LRRC4C: variants seen among roughly 807,000 people sequenced by gnomAD.
The protein encoded by LRRC4C is leucine-rich repeat-containing protein 4C.
In LRRC4C, 5 loss-of-function variants were observed where a neutral mutation model predicts 33.6. The ratio of observed to expected loss-of-function variants is 0.15; its 90% CI spans 0.08 to 0.31. The LOEUF (loss-of-function observed/expected upper bound fraction) is 0.31. Ranked by LOEUF, LRRC4C falls within the 10% of genes least tolerant of loss-of-function variation. The pLI is 1.00. For missense variants in LRRC4C, 560 were observed against 796.7 expected (o/e 0.70, Z 3.58); for synonymous variants, 329 against 302.0 (o/e 1.09, Z -0.93).
intron 4 of LRRC4C, among the ~76,000 whole-genome samples, chr11:40,274,540 T>C (rs537764025): frequency 2.0e-5 from 3 of 147,302 alleles, no homozygotes; most frequent in South Asian, 2.1e-4. Context: ...ATAAGCATAA[T>C]GAAAAGGGAG....
intron 3 of LRRC4C, among the ~76,000 whole-genome samples, chr11:40,432,969 TAACA>T (rs1346586557): frequency 6.6e-6 from 1 of 152,136 alleles, no homozygotes; most frequent in Non-Finnish European, 1.5e-5. Context: ...ACGTTTTAAG[TAACA>T]AATAATAAAT....
intron 2 of LRRC4C, among the ~76,000 whole-genome samples, chr11:40,774,993 AC>A (rs1949922909): frequency 1.3e-5 from 2 of 152,010 alleles, no homozygotes; most frequent in South Asian, 4.1e-4. Context: ...CAATATAAAA[AC>A]CTATATTACC....
intron 1 of LRRC4C, among the ~76,000 whole-genome samples, chr11:41,344,023 A>C (rs961791876): frequency 8.5e-5 from 13 of 152,112 alleles, no homozygotes; most frequent in Non-Finnish European, 1.8e-4. Context: ...CCATTATCTG[A>C]GCAAACAAAA....
chr11:40,820,032 A>C (rs112863978), intron 2 of LRRC4C, among the ~76,000 whole-genome samples: 137 of 152,224 alleles, frequency 9.0e-4, no homozygotes, highest in Middle Eastern at 3.4e-3. Context: ...CTTCATTTTA[A>C]AAAAGCAAAA....
At chr11:41,398,800 C>T (rs1953918039) in intron 1 of LRRC4C, among the ~76,000 whole-genome samples, 1 of 151,848 alleles carries the variant, frequency 6.6e-6, no homozygotes. Flanking sequence ...CCTAACTTAT[C>T]AAGCTGTAAA....
rs1860490561 is a variant in LRRC4C at position 40,176,416 on chromosome 11, T to TA, written c.-95-35564dup. ...ACATGGTGGCAATTAAGTAAACATT[T>TA]AAAAAATAACGAAATGAATGAGATT... On this transcript the variant is annotated intron_variant, in intron 5 of 6. Transcript: ENST00000528697. Among the ~76,000 whole-genome samples, 3 of 152,228 alleles carry TA rather than the reference T, an allele frequency of 2.0e-5. No homozygotes were observed. In the South Asian group the frequency reaches 6.2e-4, roughly 32 times the overall value.
At chr11:40,529,456 T>C (rs755416896) in intron 3 of LRRC4C, among the ~76,000 whole-genome samples, 5 of 151,932 alleles carry the variant, frequency 3.3e-5, no homozygotes, top group Non-Finnish European at 5.9e-5. Context: ...ATAATAGCGG[T>C]CAGACAAGTG....
At chr11:40,540,473 C>T (rs1026683532) in intron 3 of LRRC4C, among the ~76,000 whole-genome samples, 1 of 152,082 alleles carries the variant, frequency 6.6e-6, no homozygotes, top group Non-Finnish European at 1.5e-5. Context: ...TCTTCTTTGT[C>T]AGGAGTATTG....
At chr11:40,128,973 C>A (rs1243950993) in intron 6 of LRRC4C, among the ~76,000 whole-genome samples, 1 of 152,148 alleles carries the variant, frequency 6.6e-6, no homozygotes, top group Non-Finnish European at 1.5e-5. Flanking sequence ...CGCTCAGGTG[C>A]ATATTTTCTT....
At position 40,990,179 on chromosome 11, in the gene LRRC4C, C is replaced by T. The variant is rs187227762; in HGVS notation, c.-495-56456G>A. ...CTTTTACAGTACTACAACTGGACCACTATCAGCACAGTAATAAAATCTATC... is the reference window on the plus strand; with the variant it reads ...CTTTTACAGTACTACAACTGGACCATTATCAGCACAGTAATAAAATCTATC... On this transcript the variant is annotated intron_variant, in intron 1 of 6. Transcript: ENST00000528697. Among the ~76,000 whole-genome samples the T allele has an allele frequency of 3.0e-3, 429 of 144,866 alleles. 6 individuals are homozygous for T. In the South Asian group the frequency reaches 0.033, roughly 11 times the overall value.
At chr11:40,952,896 A>T (rs425744) in intron 1 of LRRC4C, among the ~76,000 whole-genome samples, 4,321 of 69,998 alleles carry the variant, frequency 0.062, 260 homozygotes, top group East Asian at 0.23. Flanking sequence ...ACACACACAC[A>T]CTCTCTCTCT....
At chr11:40,744,969 AATG>A (rs1948345024) in intron 2 of LRRC4C, among the ~76,000 whole-genome samples, 1 of 152,166 alleles carries the variant, frequency 6.6e-6, no homozygotes, top group Admixed American at 6.5e-5. Context: ...TTTCTCATAA[AATG>A]ATGAGAATAA....
chr11:40,906,602 G>A (rs1027067899), intron 2 of LRRC4C, among the ~76,000 whole-genome samples: 16 of 152,000 alleles, frequency 1.1e-4, no homozygotes, highest in African/African-American at 3.4e-4. Flanking sequence ...CTGGGAAACC[G>A]AAAAAATTCT....
chr11:41,035,164 T>G (rs899353128), intron 1 of LRRC4C, among the ~76,000 whole-genome samples: 1 of 151,096 alleles, frequency 6.6e-6, no homozygotes, highest in Non-Finnish European at 1.5e-5. Flanking sequence ...CACTCCAGCC[T>G]GGGCGACAGA....
At chr11:41,248,077 A>C (rs1440426993) in intron 1 of LRRC4C, among the ~76,000 whole-genome samples, 6 of 152,214 alleles carry the variant, frequency 3.9e-5, no homozygotes, top group African/African-American at 1.4e-4. Context: ...TGGATGAAAC[A>C]GTAGAGTCAA....
intron 3 of LRRC4C, among the ~76,000 whole-genome samples, chr11:40,636,430 A>G (rs1343984104): frequency 6.6e-6 from 1 of 152,178 alleles, no homozygotes; most frequent in African/African-American, 2.4e-5. Flanking sequence ...TAGGGTAAAT[A>G]TAAGCACAAA....
At chr11:40,538,952 G>A (rs1214437679) in intron 3 of LRRC4C, among the ~76,000 whole-genome samples, 3 of 152,154 alleles carry the variant, frequency 2.0e-5, no homozygotes. Context: ...TTTGAGAAGT[G>A]TCTGTTAATA....
chr11:40,906,488 G>A lies in LRRC4C; in HGVS notation c.-407+27147C>T, dbSNP rs11036148. Among the ~76,000 whole-genome samples, 592 of 152,294 alleles carry A rather than the reference G, an allele frequency of 3.9e-3. 6 individuals are homozygous for A. Among genetic ancestry groups the A allele is most frequent in the African/African-American group, 0.014 (571 of 41,550 alleles). On this transcript the variant is annotated intron_variant, in intron 2 of 6. Transcript: ENST00000528697. ...ATCTCACCACTGCACTCCAGCCTGG[G>A]TGACAGAGCGAGACTCCATCTCAAA...
chr11:40,967,930 G>C (rs1851472607), intron 1 of LRRC4C, among the ~76,000 whole-genome samples: 1 of 151,824 alleles, frequency 6.6e-6, no homozygotes, highest in Non-Finnish European at 1.5e-5. Flanking sequence ...TAGTGTTCCA[G>C]TGTAAGAAAA....
Sources: gnomAD v4.1 joint callset for allele counts (sites outside exome capture counted in the v4.1 genomes callset) on GRCh38, gnomAD v4.1.1 for gene constraint, MANE v1.5 for transcripts, NCBI Gene and HGNC (gene_info 2026-07-23, HGNC 2026-07-21) for gene names.